Variants in RINL observed in about 807,000 individuals in gnomAD.
RINL encodes the protein Ras and Rab interactor like, also known as ras and Rab interactor-like protein.
A neutral mutation model predicts 58.1 loss-of-function variants in RINL; 39 were observed. The observed-to-expected ratio is 0.67, with a 90% CI of 0.52 to 0.88. RINL has a LOEUF of 0.88. Among genes scored for constraint, RINL ranks in the 40% least tolerant of loss-of-function variants. RINL has a pLI of 0.00. For missense variants in RINL, 711 were observed against 749.2 expected (o/e 0.95, Z 0.60); for synonymous variants, 286 against 323.1 (o/e 0.89, Z 1.23).
At chr19:38,871,465 G>C (rs1972813217) in intron 6 of RINL, 182 bp downstream of exon 6, 2 of 689,282 alleles carry the variant, frequency 2.9e-6, no homozygotes, top group South Asian at 3.8e-5. Flanking sequence ...TAGGACCTAG[G>C]AATACAGGCC....
At chr19:38,876,563 C>A in intron 2 of RINL, 73 bp from the exon 3 acceptor site, 1 of 1,468,346 alleles carries the variant, frequency 6.8e-7, no homozygotes, top group Non-Finnish European at 9.2e-7. Flanking sequence ...GTCAAAGGTA[C>A]AGGAAGGGGC....
chr19:38,872,801 C>G (rs1221513776), intron 4 of RINL, among the ~76,000 whole-genome samples: 1 of 152,076 alleles, frequency 6.6e-6, no homozygotes, highest in East Asian at 1.9e-4. Context: ...ATGGGTGCAG[C>G]AAACCACCAT....
chr19:38,873,847 A>G (rs1362943922), intron 4 of RINL, 39 bp downstream of exon 4: 2 of 1,257,304 alleles, frequency 1.6e-6, no homozygotes. Context: ...CTTAGTGATC[A>G]ATTGACTGTG....
intron 3 of RINL, among the ~76,000 whole-genome samples, chr19:38,874,826 C>T (rs1188513842): frequency 6.6e-6 from 1 of 152,130 alleles, no homozygotes; most frequent in Non-Finnish European, 1.5e-5. Flanking sequence ...GTATACGTCC[C>T]AAGAGAGCTG....
chr19:38,873,970 G>T lies in RINL; in HGVS notation c.229C>A (p.Arg77Ser), dbSNP rs1317198732. Residue 77 changes from arginine to serine, a missense_variant, in exon 4 of 12, where the codon CGT becomes AGT. Physicochemically the swap from Arg to Ser is moderately radical, Grantham distance 110. Transcript: ENST00000591812. The part of the protein sequence containing the change: ...WPLGSFLVTG[R>S]DPSQALVLRS... The stretch of plus-strand genomic sequence containing the variant: ...AACACCAGGGCCTGGCTGGGGTCAC[G>T]TCCTGTGACCAAGAAACTCTGGGGG... 2.6e-5 allele frequency: 40 copies of T among 1,534,170 alleles called. No individual in the cohort carries two copies. In the South Asian group the frequency reaches 3.6e-4, roughly 14 times the overall value.
At chr19:38,872,212 AC>A (rs1486143363) in intron 4 of RINL, among the ~76,000 whole-genome samples, 1 of 152,190 alleles carries the variant, frequency 6.6e-6, no homozygotes, top group East Asian at 1.9e-4. Flanking sequence ...CAGTCAGGGT[AC>A]GGTGGCTCAC....
chr19:38,869,669 T>C lies in RINL; in HGVS notation c.1378A>G (p.Thr460Ala). ...LGADAFLPAL[T>A]EELIWSPDIG... ...TCCGGGCTCCAGATGAGTTCCTCGGTCAGCGCCGGCAGGAAGGCGTCGGCC... is the reference window on the plus strand; with the variant it reads ...TCCGGGCTCCAGATGAGTTCCTCGGCCAGCGCCGGCAGGAAGGCGTCGGCC... Residue 460 changes from threonine to alanine, a missense_variant, in exon 10 of 12, where the codon ACC becomes GCC. By Grantham distance (58) the Thr-to-Ala change is moderately conservative. Coordinates refer to ENST00000591812, the MANE Select transcript of RINL (RefSeq NM_001195833.2). This position sits in a 1 kb window ranked among gnomAD's most constrained non-coding sequence, Gnocchi z 5.7. 1 of 1,613,784 alleles carries C rather than the reference T, an allele frequency of 6.2e-7. No homozygotes were observed. Among genetic ancestry groups the C allele is most frequent in the South Asian group, 1.1e-5 (1 of 91,054 alleles).
Position 38,870,162 on chromosome 19 carries a change from G to A in RINL, c.1123C>T (p.Arg375Trp). The change falls in exon 9 of 12, where the codon CGG (arginine) becomes TGG (tryptophan). Residue 375 changes from arginine to tryptophan, a missense_variant. Arg to Trp is a moderately radical substitution (Grantham distance 101). Transcript: ENST00000591812. This position sits in a 1 kb window ranked among gnomAD's most constrained non-coding sequence, Gnocchi z 5.8. ...AGGGCTGTCTGTCGCCGCCGCAGCCGCCGCAGCTCCGGTGCTCGGAGTGTG... is the reference window on the plus strand; with the variant it reads ...AGGGCTGTCTGTCGCCGCCGCAGCCACCGCAGCTCCGGTGCTCGGAGTGTG... Reference protein sequence around the residue: ...LRTLRAPELRRLRRRQTALRA... With the variant: ...LRTLRAPELRWLRRRQTALRA... The A allele has an allele frequency of 2.1e-6, 3 of 1,407,284 alleles. No individual in the cohort carries two copies. Among genetic ancestry groups the A allele is most frequent in the Non-Finnish European group, 1.8e-6 (2 of 1,091,232 alleles). 87.2% of individuals were successfully genotyped at this position (1,407,284 alleles called of 1,614,324 possible).
chr19:38,877,606 A>G (rs1316435235), intron 1 of RINL, among the ~76,000 whole-genome samples: 1 of 152,232 alleles, frequency 6.6e-6, no homozygotes, highest in Non-Finnish European at 1.5e-5. Flanking sequence ...CCAAGATTCT[A>G]CCATGAACAT....
Position 38,873,954 on chromosome 19 carries a change from G to A in RINL, c.245C>T (p.Ala82Val), listed in dbSNP as rs1345492975. 2.0e-6 allele frequency: 3 copies of A among 1,535,808 alleles called. No individual in the cohort carries two copies. In the East Asian group the frequency reaches 7.3e-5, roughly 38 times the overall value. The change falls in exon 4 of 12, where the codon GCC (alanine) becomes GTC (valine). Residue 82 changes from alanine (A) to valine (V), a missense_variant. Physicochemically the swap from Ala to Val is moderately conservative, Grantham distance 64 (BLOSUM62 0). Transcript: ENST00000591812. Reference protein sequence around the residue: ...FLVTGRDPSQALVLRSGPLPG... With the variant: ...FLVTGRDPSQVLVLRSGPLPG... Reference sequence around the variant, plus strand: ...TAAAGGTCCTGACCTCAACACCAGGGCCTGGCTGGGGTCACGTCCTGTGAC... The same window carrying A: ...TAAAGGTCCTGACCTCAACACCAGGACCTGGCTGGGGTCACGTCCTGTGAC...
chr19:38,870,563 C>G lies in RINL; in HGVS notation c.1024+7G>C. On this transcript the variant is annotated splice_region_variant and intron_variant, in intron 8 of 11. Transcript: ENST00000591812. The surrounding 1 kb of genome is among the most constrained non-coding windows in gnomAD (Gnocchi z 5.8). Reference sequence around the variant, plus strand: ...CCGTGGGGGCTCCCTTCCAGTCCTCCCATTACCTGGATCCTCGTCCTTCTT... The same window carrying G: ...CCGTGGGGGCTCCCTTCCAGTCCTCGCATTACCTGGATCCTCGTCCTTCTT... 4 of 1,553,416 alleles carry G rather than the reference C, an allele frequency of 2.6e-6. No homozygotes were observed. Among genetic ancestry groups the G allele is most frequent in the Non-Finnish European group, 2.6e-6 (3 of 1,149,852 alleles).
At chr19:38,876,102 C>G (rs1313340993) in intron 3 of RINL, among the ~76,000 whole-genome samples, 1 of 150,164 alleles carries the variant, frequency 6.7e-6, no homozygotes, top group African/African-American at 2.5e-5. Flanking sequence ...CTCCATCACC[C>G]AGGCTCAAGT....
At chr19:38,877,155 T>TC (rs908722131) in intron 1 of RINL, among the ~76,000 whole-genome samples, 1 of 151,936 alleles carries the variant, frequency 6.6e-6, no homozygotes, top group African/African-American at 2.4e-5. Context: ...CCTCAAGTGA[T>TC]CCCCCCGCCT....
chr19:38,877,046 T>G (rs1972945787), intron 1 of RINL, among the ~76,000 whole-genome samples: 1 of 152,170 alleles, frequency 6.6e-6, no homozygotes, highest in South Asian at 2.1e-4. Flanking sequence ...CCCGAGTAGT[T>G]GGGATTACAG....
At position 38,869,754 on chromosome 19, in the gene RINL, C is replaced by A. The variant is rs1972757263; in HGVS notation, c.1343-50G>T. On this transcript the variant is annotated intron_variant, in intron 9 of 11. Transcript: ENST00000591812. The surrounding 1 kb of genome is among the most constrained non-coding windows in gnomAD (Gnocchi z 5.7). Reference sequence around the variant, plus strand: ...TGAGATGGATCCCCATCTCAAGGCGCGTAGACACCTTCCATCCGATCCCCA... The same window carrying A: ...TGAGATGGATCCCCATCTCAAGGCGAGTAGACACCTTCCATCCGATCCCCA... 4 of 1,609,752 alleles carry A rather than the reference C, an allele frequency of 2.5e-6. No individual in the cohort carries two copies. Among genetic ancestry groups the A allele is most frequent in the East Asian group, 4.5e-5 (2 of 44,836 alleles).
intron 3 of RINL, among the ~76,000 whole-genome samples, chr19:38,874,240 T>A (rs190110174): frequency 4.6e-5 from 7 of 151,820 alleles, no homozygotes; most frequent in African/African-American, 1.7e-4. Flanking sequence ...GGAACAGGCA[T>A]GTGACTCAAG....
intron 3 of RINL, 22 bp downstream of exon 3, chr19:38,876,309 G>GC (rs1262872290): frequency 2.0e-6 from 3 of 1,530,082 alleles, no homozygotes; most frequent in Non-Finnish European, 2.6e-6. Context: ...GTCAGGATGG[G>GC]CCCCCAGCTG....
rs1243762640 is a variant in RINL at position 38,876,778 on chromosome 19, G to C, written c.-36C>G. ...CAGGAAGCCAGTGAGTCATGACCTG[G>C]CCTCTGGCAGGGAGAAAGGTAAGAC... On this transcript the variant is annotated 5_prime_UTR_variant, in exon 2 of 12. Transcript: ENST00000591812. 6.6e-7 allele frequency: 1 copy of C among 1,520,128 alleles called. No individual in the cohort carries two copies. Among genetic ancestry groups the C allele is most frequent in the Admixed American group, 2.0e-5 (1 of 50,986 alleles). 94.2% of individuals were successfully genotyped at this position (1,520,128 alleles called of 1,614,324 possible).
rs1383001057 is a variant in RINL, at chr19:38,873,883, T to C, written c.313+3A>G. On this transcript the variant is annotated splice_donor_region_variant and intron_variant, in intron 4 of 11. Coordinates refer to ENST00000591812, the MANE Select transcript of RINL (RefSeq NM_001195833.2). ...GGCTGGAACCTCAGGGGAGGTGCCT[T>C]ACCTCTGGGAATCTTCTGGATCTGG... 6.6e-7 allele frequency: 1 copy of C among 1,520,040 alleles called. No homozygotes were observed. The highest frequency in any genetic ancestry group is 8.8e-7 in the Non-Finnish European group (1 of 1,132,286). The allele number at this position is 1,520,040 out of a possible 1,614,324, so 94.2% of individuals were successfully genotyped here. A position where few individuals can be genotyped will look rare whatever the true frequency, so the allele number is the denominator to read the frequency against.
Sources: gnomAD v4.1 joint callset for allele counts (sites outside exome capture counted in the v4.1 genomes callset) on GRCh38, gnomAD v4.1.1 for gene constraint, Gnocchi (gnomAD v3.1) non-coding constraint, MANE v1.5 for transcripts, NCBI Gene and HGNC (gene_info 2026-07-23, HGNC 2026-07-21) for gene names.